Variants in PCSK5 observed in about 807,000 individuals in gnomAD.
PCSK5 encodes the protein prohormone convertase 5.
Under a neutral mutation model 233.2 loss-of-function variants are expected in PCSK5, and 129 were observed. The observed-to-expected ratio is 0.55, with a 90% CI of 0.48 to 0.64. The LOEUF (loss-of-function observed/expected upper bound fraction) is 0.64, where lower values mean the gene tolerates loss of function less well. Ranked by LOEUF, PCSK5 falls within the 30% of genes least tolerant of loss-of-function variation. The pLI is 0.00. For missense variants in PCSK5, 2,076 were observed against 2,430.1 expected, an observed-to-expected ratio of 0.85 and a Z score of 3.06; for synonymous variants, 825 against 879.2, an observed-to-expected ratio of 0.94 and a Z score of 1.09.
intron 36 of PCSK5, among the ~76,000 whole-genome samples, chr9:76,351,655 GAGAGAAAGAA>G (rs1564197203): frequency 4.8e-5 from 7 of 146,252 alleles, no homozygotes; most frequent in East Asian, 4.0e-4. Flanking sequence ...AAGAAAGAGA[GAGAGAAAGAA>G]AGAAAGAAAG....
At chr9:75,989,155 C>T (rs1328868064) in intron 3 of PCSK5, among the ~76,000 whole-genome samples, 2 of 152,180 alleles carry the variant, frequency 1.3e-5, no homozygotes, top group African/African-American at 2.4e-5. Context: ...GATCTGGATG[C>T]CCATCCCCAT....
chr9:75,951,526 T>C (rs1485189448), intron 2 of PCSK5, among the ~76,000 whole-genome samples: 1 of 152,194 alleles, frequency 6.6e-6, no homozygotes, highest in Non-Finnish European at 1.5e-5. Context: ...TGAATCTGAA[T>C]AATATGTTAG....
intron 2 of PCSK5, among the ~76,000 whole-genome samples, chr9:75,946,981 G>T (rs558784726): frequency 9.9e-4 from 151 of 152,232 alleles, no homozygotes; most frequent in African/African-American, 3.5e-3. Context: ...AGATTAACTT[G>T]GTTAGTCTTG....
chr9:76,357,058 C>T (rs1202773528), intron 37 of PCSK5, among the ~76,000 whole-genome samples: 1 of 152,142 alleles, frequency 6.6e-6, no homozygotes, highest in Non-Finnish European at 1.5e-5. Context: ...ACATATTACC[C>T]AAATCATACC....
intron 9 of PCSK5, among the ~76,000 whole-genome samples, chr9:76,124,856 T>C (rs1435630441): frequency 6.6e-6 from 1 of 152,082 alleles, no homozygotes; most frequent in African/African-American, 2.4e-5. Context: ...TACTCTTTCC[T>C]GTGCATCCTT....
intron 8 of PCSK5, among the ~76,000 whole-genome samples, chr9:76,103,134 C>A (rs192925893): frequency 6.6e-6 from 1 of 152,246 alleles, no homozygotes; most frequent in East Asian, 1.9e-4. Flanking sequence ...GTCTTCGGTT[C>A]TTTTTTATTT....
chr9:76,345,389 C>T (rs1429974876), intron 35 of PCSK5, among the ~76,000 whole-genome samples: 2 of 151,654 alleles, frequency 1.3e-5, no homozygotes, highest in Admixed American at 6.6e-5. Flanking sequence ...CATGCTACCA[C>T]CCCTGGCTTA....
chr9:76,317,014 TTCTC>T (rs990246041), intron 30 of PCSK5, among the ~76,000 whole-genome samples: 1 of 152,166 alleles, frequency 6.6e-6, no homozygotes, highest in Admixed American at 6.6e-5. Context: ...TGCTATTTCT[TTCTC>T]TCTCTTCTAC....
chr9:75,909,819 C>G (rs1389831796), intron 1 of PCSK5, among the ~76,000 whole-genome samples: 2 of 152,234 alleles, frequency 1.3e-5, no homozygotes, highest in Non-Finnish European at 2.9e-5. Flanking sequence ...TTCTGGTTCT[C>G]TCCCTTGGCT....
chr9:76,091,998 C>G (rs1026534693), intron 7 of PCSK5, among the ~76,000 whole-genome samples: 34 of 152,150 alleles, frequency 2.2e-4, no homozygotes, highest in African/African-American at 7.7e-4. Context: ...CGTGGATCCC[C>G]AAAGGACCCC....
chr9:76,272,255 C>T (rs1447477187), intron 24 of PCSK5, among the ~76,000 whole-genome samples: 1 of 152,140 alleles, frequency 6.6e-6, no homozygotes, highest in East Asian at 1.9e-4. Context: ...TTCGCTCTGT[C>T]TACTTCTACC....
intron 20 of PCSK5, chr9:76,193,656 C>T (rs1474660824): frequency 8.6e-6 from 2 of 233,622 alleles, no homozygotes; most frequent in Non-Finnish European, 1.6e-5. Context: ...CAAAATTTGA[C>T]GTTAAAGTAA....
At chr9:76,088,973 G>T (rs559797396) in intron 7 of PCSK5, among the ~76,000 whole-genome samples, 1 of 145,554 alleles carries the variant, frequency 6.9e-6, no homozygotes, top group African/African-American at 2.5e-5. Flanking sequence ...GTTTCTAGAT[G>T]AGATCTATTT....
At chr9:76,178,417 C>A (rs1291301511) in intron 14 of PCSK5, among the ~76,000 whole-genome samples, 2 of 152,130 alleles carry the variant, frequency 1.3e-5, no homozygotes, top group Non-Finnish European at 2.9e-5. Context: ...AGTATCAGGG[C>A]CTATGTTGAT....
chr9:76,092,889 G>A (rs1309892480), intron 7 of PCSK5, among the ~76,000 whole-genome samples: 1 of 151,944 alleles, frequency 6.6e-6, no homozygotes, highest in Non-Finnish European at 1.5e-5. Flanking sequence ...TTCCCTCTTA[G>A]TAGAGGAATT....
At chr9:75,938,770 AG>A (rs1824172035) in intron 2 of PCSK5, among the ~76,000 whole-genome samples, 1 of 152,194 alleles carries the variant, frequency 6.6e-6, no homozygotes, top group African/African-American at 2.4e-5. Context: ...TGGGCATATA[AG>A]GCAAGTGTTG....
At chr9:76,098,196 C>G (rs985314983) in intron 8 of PCSK5, among the ~76,000 whole-genome samples, 1 of 152,088 alleles carries the variant, frequency 6.6e-6, no homozygotes, top group Admixed American at 6.5e-5. Flanking sequence ...AATTGCCTAC[C>G]CATATACATG....
intron 3 of PCSK5, among the ~76,000 whole-genome samples, chr9:75,986,785 G>A (rs150933403): frequency 8.7e-4 from 133 of 152,304 alleles, no homozygotes; most frequent in African/African-American, 3.0e-3. Flanking sequence ...GTAGTTCATG[G>A]TTCAAGCAAA....
chr9:76,098,974 C>CTGA (rs1190019499), intron 8 of PCSK5, among the ~76,000 whole-genome samples: 1 of 152,192 alleles, frequency 6.6e-6, no homozygotes, highest in Admixed American at 6.5e-5. Context: ...AGAGAGCTTA[C>CTGA]AAGGGAAAGT....
Sources: gnomAD v4.1 joint callset for allele counts (sites outside exome capture counted in the v4.1 genomes callset) on GRCh38, gnomAD v4.1.1 for gene constraint, MANE v1.5 for transcripts, NCBI Gene and HGNC (gene_info 2026-07-23, HGNC 2026-07-21) for gene names.